The following KRT7 variants were observed in gnomAD, a reference collection of about 807,000 sequenced individuals.
KRT7 encodes keratin, type II cytoskeletal 7.
Under a neutral mutation model 42.8 loss-of-function variants are expected in KRT7, and 50 were observed. The ratio of observed to expected loss-of-function variants is 1.17; its 90% CI spans 0.93 to 1.48. The LOEUF is 1.48. KRT7 is among the 40% of genes most tolerant of loss of function. KRT7 has a pLI of 0.00. For synonymous variants in KRT7, 268 were observed against 266.3 expected, an observed-to-expected ratio of 1.01 and a Z score of -0.06; for missense variants, 588 against 637.6, an observed-to-expected ratio of 0.92 and a Z score of 0.84.
Position 52,233,592 on chromosome 12 carries a change from A to G in KRT7, c.296A>G (p.Asn99Ser), listed in dbSNP as rs781353747. 6.2e-7 allele frequency: 1 copy of G among 1,612,942 alleles called. No individual in the cohort carries two copies. Among genetic ancestry groups the G allele is most frequent in the South Asian group, 1.1e-5 (1 of 91,042 alleles). Residue 99 changes from asparagine (N) to serine (S), a missense_variant, in exon 1 of 9, where the codon AAC (asparagine) becomes AGC (serine). Asn to Ser is a conservative substitution (Grantham distance 46). Coordinates refer to ENST00000331817, the MANE Select transcript of KRT7 (RefSeq NM_005556.4). ...QEESEQIKTL[N>S]NKFASFIDKV... ...GAGAGCGAGCAGATCAAGACCCTCA[A>G]CAACAAGTTTGCCTCCTTCATCGAC...
intron 7 of KRT7, 176 bp downstream of exon 7, chr12:52,245,808 C>A: frequency 2.5e-6 from 2 of 785,724 alleles, no homozygotes; most frequent in Non-Finnish European, 4.0e-6. Context: ...AGATGACCTT[C>A]TAGAAGGAAA....
Position 52,241,618 on chromosome 12 carries a change from A to AGCCT in KRT7, c.842_845dup (p.Trp282CysfsTer8). The stretch of plus-strand genomic sequence containing the variant: ...CCAAATGCAGCCGGGCTGAGGCTGA[A>AGCCT]GCCTGGTACCAGACCAAGGTGTGAG... On this transcript the variant is annotated frameshift_variant, in exon 5 of 9. Coordinates refer to ENST00000331817, the MANE Select transcript of KRT7 (RefSeq NM_005556.4). LOFTEE classifies it high-confidence loss of function. 6.2e-7 allele frequency: 1 copy of AGCCT among 1,611,046 alleles called. No homozygotes were observed. The highest frequency in any genetic ancestry group is 8.5e-7 in the Non-Finnish European group (1 of 1,178,248).
At chr12:52,241,440 C>G (rs755089866) in intron 4 of KRT7, 32 bp from the exon 5 acceptor site, 1 of 1,571,216 alleles carries the variant, frequency 6.4e-7, no homozygotes. Flanking sequence ...GGATCCTGCC[C>G]TAAGTCCTGA....
intron 7 of KRT7, among the ~76,000 whole-genome samples, chr12:52,246,687 G>A (rs2121105627): frequency 6.6e-6 from 1 of 152,280 alleles, no homozygotes; most frequent in African/African-American, 2.4e-5. Flanking sequence ...TTCTTTGTGG[G>A]AAGAAGAATT....
Position 52,238,733 on chromosome 12 carries a change from C to G in KRT7, c.651C>G (p.Ala217=). Residue 217 remains alanine, a synonymous_variant, in exon 4 of 9, where the codon GCC becomes GCG. Transcript: ENST00000331817. The part of the protein sequence containing the change: ...SKVELEAKVD[A]LNDEINFLRT... Reference sequence around the variant, plus strand: ...TGGAGCTGGAGGCCAAGGTGGATGCCCTGAATGATGAGATCAACTTCCTCA... The same window carrying G: ...TGGAGCTGGAGGCCAAGGTGGATGCGCTGAATGATGAGATCAACTTCCTCA... The G allele has an allele frequency of 6.2e-7, 1 of 1,613,990 alleles. No homozygotes were observed. Among genetic ancestry groups the G allele is most frequent in the South Asian group, 1.1e-5 (1 of 91,074 alleles).
downstream of KRT7, chr12:52,253,454 C>T: frequency 4.6e-6 from 7 of 1,535,440 alleles, no homozygotes; most frequent in Non-Finnish European, 6.3e-6. Context: ...ACATGGCAGT[C>T]CTGCCCTGCT....
At chr12:52,254,421 T>G (rs1046629692), downstream of KRT7, 8 of 605,198 alleles carry the variant, frequency 1.3e-5, no homozygotes, top group Middle Eastern at 2.9e-4. Context: ...GAACCCTTGT[T>G]TTTTTCCTAC....
chr12:52,245,724 C>T lies in KRT7; in HGVS notation c.1205+92C>T. Reference sequence around the variant, plus strand: ...TCCATTTACAAGCATTTCCTGTATGCCCCTCCTCTGCAGGGCACTGGGTGT... The same window carrying T: ...TCCATTTACAAGCATTTCCTGTATGTCCCTCCTCTGCAGGGCACTGGGTGT... On this transcript the variant is annotated intron_variant, in intron 7 of 8. Transcript: ENST00000331817. 4 of 1,506,052 alleles carry T rather than the reference C, an allele frequency of 2.7e-6. No homozygotes were observed. The South Asian group carries it at 3.6e-5, about 14-fold the overall frequency. The allele number at this position is 1,506,052 out of a possible 1,614,324, so 93.3% of individuals were successfully genotyped here. A position where few individuals can be genotyped will look rare whatever the true frequency, so the allele number is the denominator to read the frequency against.
chr12:52,253,621 C>T (rs546149122), downstream of KRT7: 475 of 1,569,734 alleles, frequency 3.0e-4, no homozygotes, highest in African/African-American at 8.4e-4. Context: ...TACCAGGACT[C>T]GGCCTCGGCC....
intron 4 of KRT7, 64 bp downstream of exon 4, chr12:52,238,839 T>G (rs1942044847): frequency 5.9e-6 from 6 of 1,014,600 alleles, no homozygotes; most frequent in Admixed American, 3.6e-5. Context: ...AGCCATCTGG[T>G]CCAGCCCCCC....
At chr12:52,235,427 C>A in intron 2 of KRT7, 61 bp downstream of exon 2, 1 of 1,436,224 alleles carries the variant, frequency 7.0e-7, no homozygotes, top group Non-Finnish European at 9.4e-7. Context: ...CCCTCATGAG[C>A]TGACCCTGTG....
At chr12:52,248,523 C>G in intron 8 of KRT7, 68 bp from the exon 9 acceptor site, 1 of 1,429,304 alleles carries the variant, frequency 7.0e-7, no homozygotes, top group Non-Finnish European at 9.5e-7. Flanking sequence ...GGGTGGGGTG[C>G]AGTGAAGGGA....
chr12:52,251,757 C>T (rs1304804932), downstream of KRT7: 7 of 351,358 alleles, frequency 2.0e-5, no homozygotes, highest in South Asian at 1.1e-4. Flanking sequence ...CTCACTGCCC[C>T]ACTCCATCTT....
At chr12:52,237,459 G>T (rs192659834) in intron 2 of KRT7, 50 bp from the exon 3 acceptor site, 2 of 1,372,956 alleles carry the variant, frequency 1.5e-6, no homozygotes. Context: ...GAGGGGGGAC[G>T]GGAGCATGGA....
At chr12:52,254,241 G>C (rs1032236487), downstream of KRT7, 1 of 749,464 alleles carries the variant, frequency 1.3e-6, no homozygotes, top group Non-Finnish European at 2.4e-6. Context: ...TATCCTCCTT[G>C]CTGCCCCGCT....
chr12:52,250,446 G>A, downstream of KRT7: 1 of 492,812 alleles, frequency 2.0e-6, no homozygotes, highest in Non-Finnish European at 3.9e-6. Flanking sequence ...GTGAGGCGGC[G>A]TCGGTACAAA....
intron 1 of KRT7, 66 bp from the exon 2 acceptor site, chr12:52,235,089 C>A: frequency 6.8e-7 from 1 of 1,480,480 alleles, no homozygotes; most frequent in Non-Finnish European, 9.4e-7. Flanking sequence ...AGATGATGTT[C>A]CTCAATCCCG....
intron 7 of KRT7, chr12:52,245,850 T>C (rs1009798465): frequency 1.5e-5 from 9 of 615,218 alleles, no homozygotes; most frequent in Non-Finnish European, 2.5e-5. Context: ...GTGGGCAGGT[T>C]GAAATGATAA....
At chr12:52,238,969 A>G (rs1196978098) in intron 4 of KRT7, among the ~76,000 whole-genome samples, 194 bp downstream of exon 4, 2 of 152,244 alleles carry the variant, frequency 1.3e-5, no homozygotes, top group Non-Finnish European at 2.9e-5. Flanking sequence ...CAGTCTTGCA[A>G]GATGGGTGTC....
Sources: gnomAD v4.1 joint callset for allele counts (sites outside exome capture counted in the v4.1 genomes callset) on GRCh38, gnomAD v4.1.1 for gene constraint, MANE v1.5 for transcripts, NCBI Gene and HGNC (gene_info 2026-07-23, HGNC 2026-07-21) for gene names.